Variants in PLCL1 observed in about 807,000 individuals in gnomAD.
PLCL1 encodes the protein inactive phospholipase C-like protein 1.
Under a neutral mutation model 84.4 loss-of-function variants are expected in PLCL1, and 41 were observed. The observed-to-expected ratio is 0.49, with a 90% CI of 0.38 to 0.63. PLCL1 has a LOEUF of 0.63. PLCL1 is among the 30% of genes least tolerant of loss of function. PLCL1 has a pLI of 0.00. For synonymous variants in PLCL1, 490 were observed against 488.3 expected, an observed-to-expected ratio of 1.00 and a Z score of -0.05; for missense variants, 1,206 against 1,367.8, an observed-to-expected ratio of 0.88 and a Z score of 1.87.
intron 1 of PLCL1, among the ~76,000 whole-genome samples, chr2:197,932,886 A>G (rs935134985): frequency 1.3e-5 from 2 of 152,022 alleles, no homozygotes; most frequent in Non-Finnish European, 2.9e-5. Context: ...AAAAGAGATC[A>G]CCTGAAACTG....
intron 1 of PLCL1, among the ~76,000 whole-genome samples, chr2:197,970,993 T>C (rs960847455): frequency 1.3e-5 from 2 of 152,266 alleles, no homozygotes; most frequent in African/African-American, 2.4e-5. Flanking sequence ...GTTATGTTTA[T>C]GCTATAATAA....
intron 1 of PLCL1, among the ~76,000 whole-genome samples, chr2:197,892,838 C>G (rs1559037302): frequency 6.6e-6 from 1 of 152,008 alleles, no homozygotes; most frequent in East Asian, 1.9e-4. Context: ...ACTAAAAATA[C>G]AAAAATTAGC....
chr2:197,972,877 T>C (rs1260654451), intron 1 of PLCL1, among the ~76,000 whole-genome samples: 2 of 152,216 alleles, frequency 1.3e-5, no homozygotes, highest in Non-Finnish European at 2.9e-5. Flanking sequence ...CCTTCCCCAT[T>C]GTCCCTTCCA....
chr2:197,917,084 A>G (rs1688613136), intron 1 of PLCL1, among the ~76,000 whole-genome samples: 1 of 152,252 alleles, frequency 6.6e-6, no homozygotes, highest in South Asian at 2.1e-4. Context: ...CAGCCACTTT[A>G]AAAGATAGTT....
chr2:197,921,387 G>T (rs1386799883), intron 1 of PLCL1, among the ~76,000 whole-genome samples: 1 of 152,102 alleles, frequency 6.6e-6, no homozygotes, highest in Non-Finnish European at 1.5e-5. Flanking sequence ...ATTAATAGGG[G>T]TCCTTTTCAA....
At chr2:198,020,029 C>T (rs1422630536) in intron 1 of PLCL1, among the ~76,000 whole-genome samples, 2 of 152,336 alleles carry the variant, frequency 1.3e-5, no homozygotes, top group South Asian at 4.1e-4. Flanking sequence ...ATCAAACTAA[C>T]AGCATATCTC....
chr2:197,874,312 T>C (rs1242999704), intron 1 of PLCL1, among the ~76,000 whole-genome samples: 5 of 152,086 alleles, frequency 3.3e-5, no homozygotes, highest in Non-Finnish European at 7.4e-5. Context: ...ATCTTCGTTA[T>C]AGAAAAAAGT....
intron 1 of PLCL1, among the ~76,000 whole-genome samples, chr2:197,997,809 G>T (rs1690502973): frequency 6.6e-6 from 1 of 152,154 alleles, no homozygotes; most frequent in Non-Finnish European, 1.5e-5. Context: ...GGCCCATGTG[G>T]TGACATTTTA....
chr2:198,119,686 A>T (rs1693825903), intron 5 of PLCL1, among the ~76,000 whole-genome samples: 1 of 151,950 alleles, frequency 6.6e-6, no homozygotes, highest in Non-Finnish European at 1.5e-5. Context: ...TCTCCTGTAT[A>T]GTGCCAGATC....
At chr2:198,076,524 T>A (rs924875961) in intron 1 of PLCL1, among the ~76,000 whole-genome samples, 1 of 152,208 alleles carries the variant, frequency 6.6e-6, no homozygotes, top group African/African-American at 2.4e-5. Flanking sequence ...ATGCTTTTTT[T>A]ATTGATCATA....
intron 1 of PLCL1, among the ~76,000 whole-genome samples, chr2:197,843,971 T>G (rs16824631): frequency 0.19 from 28,798 of 152,040 alleles, 2,798 homozygotes; most frequent in East Asian, 0.27. Flanking sequence ...GAACATGTAT[T>G]GGTTGTGCTA....
intron 5 of PLCL1, among the ~76,000 whole-genome samples, chr2:198,138,267 A>G (rs1183328006): frequency 6.6e-6 from 1 of 152,176 alleles, no homozygotes; most frequent in East Asian, 1.9e-4. Flanking sequence ...GGCATAAGGC[A>G]AAAGGGAAGC....
At chr2:197,845,766 G>T (rs1215547593) in intron 1 of PLCL1, among the ~76,000 whole-genome samples, 1 of 152,078 alleles carries the variant, frequency 6.6e-6, no homozygotes, top group Non-Finnish European at 1.5e-5. Context: ...ATATATTGTA[G>T]AGAAAGGATT....
chr2:197,954,275 G>C (rs1295650900), intron 1 of PLCL1, among the ~76,000 whole-genome samples: 1 of 152,098 alleles, frequency 6.6e-6, no homozygotes, highest in Non-Finnish European at 1.5e-5. Context: ...CAACTTAAAA[G>C]CTGGAATTCT....
chr2:197,930,456 A>T (rs1688909927), intron 1 of PLCL1, among the ~76,000 whole-genome samples: 1 of 152,192 alleles, frequency 6.6e-6, no homozygotes. Context: ...TTTATACTTG[A>T]TGACTTTAAA....
At chr2:197,903,344 AC>A (rs977579354) in intron 1 of PLCL1, among the ~76,000 whole-genome samples, 5 of 151,756 alleles carry the variant, frequency 3.3e-5, no homozygotes, top group African/African-American at 1.2e-4. Flanking sequence ...CAGTTTGCCT[AC>A]TCCTGCTCTA....
intron 1 of PLCL1, among the ~76,000 whole-genome samples, chr2:197,888,287 T>A (rs61531059): frequency 0.018 from 2,794 of 152,244 alleles, 75 homozygotes; most frequent in African/African-American, 0.065. Context: ...TCCTCATATG[T>A]TAAAGATAGG....
intron 1 of PLCL1, among the ~76,000 whole-genome samples, chr2:197,995,710 C>G (rs1690446870): frequency 6.6e-6 from 1 of 152,150 alleles, no homozygotes; most frequent in Non-Finnish European, 1.5e-5. Context: ...TTTGTGGAGG[C>G]ATACATTTTA....
chr2:197,877,399 T>TA (rs894327688), intron 1 of PLCL1, among the ~76,000 whole-genome samples: 2 of 152,048 alleles, frequency 1.3e-5, no homozygotes, highest in Non-Finnish European at 2.9e-5. Flanking sequence ...ATTATACCAT[T>TA]AAAAAAATTT....
Sources: gnomAD v4.1 joint callset for allele counts (sites outside exome capture counted in the v4.1 genomes callset) on GRCh38, gnomAD v4.1.1 for gene constraint, MANE v1.5 for transcripts, NCBI Gene and HGNC (gene_info 2026-07-23, HGNC 2026-07-21) for gene names.